The following SLC39A12 variants were observed in gnomAD, a reference collection of about 807,000 sequenced individuals.
The protein encoded by SLC39A12 is zinc transporter ZIP12.
Under a neutral mutation model 71.1 loss-of-function variants are expected in SLC39A12, and 63 were observed. The ratio of observed to expected loss-of-function variants is 0.89; its 90% CI spans 0.72 to 1.09. The LOEUF (loss-of-function observed/expected upper bound fraction) is 1.09. Ranked by LOEUF, SLC39A12 falls within the 50% of genes least tolerant of loss-of-function variation. The pLI, the probability that SLC39A12 is intolerant of heterozygous loss-of-function variation, is 0.00. For synonymous variants in SLC39A12, 351 were observed against 301.3 expected (o/e 1.16, Z -1.71); for missense variants, 892 against 812.6 (o/e 1.10, Z -1.19).
intron 3 of SLC39A12, 86 bp downstream of exon 3, chr10:17,961,948 A>G: frequency 7.4e-7 from 1 of 1,358,414 alleles, no homozygotes; most frequent in Non-Finnish European, 1.0e-6. Flanking sequence ...TTTCTAAGAC[A>G]TTCAAGGACT....
intron 7 of SLC39A12, among the ~76,000 whole-genome samples, chr10:17,988,421 C>G (rs1357883258): frequency 6.6e-6 from 1 of 152,198 alleles, no homozygotes; most frequent in Admixed American, 6.5e-5. Flanking sequence ...GTGCCTGCTT[C>G]CCCTTCACTG....
intron 12 of SLC39A12, among the ~76,000 whole-genome samples, chr10:18,011,539 G>C (rs1160934821): frequency 6.6e-6 from 1 of 152,162 alleles, no homozygotes; most frequent in African/African-American, 2.4e-5. Context: ...GTTAAGTTTT[G>C]GGAGAGTCAA....
At chr10:17,988,160 T>C (rs2130820545) in intron 7 of SLC39A12, among the ~76,000 whole-genome samples, 1 of 152,158 alleles carries the variant, frequency 6.6e-6, no homozygotes, top group South Asian at 2.1e-4. Flanking sequence ...ATATAAAAAT[T>C]AGCTGGGCAT....
intron 6 of SLC39A12, among the ~76,000 whole-genome samples, chr10:17,984,895 G>C (rs1589231630): frequency 1.3e-5 from 2 of 152,186 alleles, no homozygotes; most frequent in African/African-American, 4.8e-5. Flanking sequence ...ATGTGGTAGT[G>C]GGGGTACGGG....
In SLC39A12 at chr10:17,982,332, A is replaced by G. The variant is rs115567831; in HGVS notation, c.1096+849A>G. Among the ~76,000 whole-genome samples the G allele has an allele frequency of 5.8e-3, 882 of 152,346 alleles. 8 individuals are homozygous for G. The highest frequency in any genetic ancestry group is 0.02 in the African/African-American group (838 of 41,580). The stretch of plus-strand genomic sequence containing the variant: ...ATCTTCAGTAAATTTAAAGCTCTGT[A>G]TATTTAAAAGACAAAACAAATGGTT... On this transcript the variant is annotated intron_variant, in intron 6 of 12. Coordinates refer to ENST00000377369, the MANE Select transcript of SLC39A12 (RefSeq NM_001145195.2).
At chr10:18,018,469 G>A (rs1375415329) in intron 12 of SLC39A12, among the ~76,000 whole-genome samples, 2 of 152,088 alleles carry the variant, frequency 1.3e-5, no homozygotes, top group Non-Finnish European at 2.9e-5. Context: ...TGATTTTAGT[G>A]GGAAAGCTTC....
Position 18,000,972 on chromosome 10 carries a change from G to A in SLC39A12, c.1759+147G>A. 6 of 833,326 alleles carry A rather than the reference G, an allele frequency of 7.2e-6. No homozygotes were observed. In the South Asian group the frequency reaches 1.2e-4, roughly 17 times the overall value. 51.6% of individuals were successfully genotyped at this position (833,326 alleles called of 1,614,324 possible). Reference sequence around the variant, plus strand: ...TAATTTATTTAAACCATAAGAAGAGGAGGACTAGAAAAATAACTCCTGTAC... The same window carrying A: ...TAATTTATTTAAACCATAAGAAGAGAAGGACTAGAAAAATAACTCCTGTAC... On this transcript the variant is annotated intron_variant, in intron 11 of 12. Coordinates refer to ENST00000377369, the MANE Select transcript of SLC39A12 (RefSeq NM_001145195.2).
intron 12 of SLC39A12, among the ~76,000 whole-genome samples, chr10:18,028,280 T>C (rs1481593500): frequency 6.6e-6 from 1 of 152,254 alleles, no homozygotes; most frequent in Non-Finnish European, 1.5e-5. Flanking sequence ...TGCAAATTTT[T>C]ATCAGTGAAA....
intron 12 of SLC39A12, among the ~76,000 whole-genome samples, chr10:18,015,627 CCTT>C (rs1423802888): frequency 9.9e-6 from 1 of 101,250 alleles, no homozygotes; most frequent in East Asian, 2.6e-4. Flanking sequence ...TTTAGTTTTT[CCTT>C]CTTTTTTATT....
chr10:18,023,828 C>G (rs907352468), intron 12 of SLC39A12, among the ~76,000 whole-genome samples: 1 of 152,174 alleles, frequency 6.6e-6, no homozygotes, highest in African/African-American at 2.4e-5. Flanking sequence ...ACCTAAGTGC[C>G]CAGGTTGGGA....
intron 12 of SLC39A12, among the ~76,000 whole-genome samples, chr10:18,037,253 T>G (rs552958616): frequency 1.2e-3 from 176 of 152,354 alleles, no homozygotes; most frequent in African/African-American, 3.9e-3. Flanking sequence ...CATTATTGAT[T>G]GCATCATGTA....
Position 18,036,767 on chromosome 10 carries a change from TATATATATATATATATA to T in SLC39A12, c.1948-5937_1948-5921del, listed in dbSNP as rs1837043762. On this transcript the variant is annotated intron_variant, in intron 12 of 12. Transcript: ENST00000377369. ...AAAATTATATATATATATATATATA[TATATATATATATATATA>T]TATATATATATTTTTTTTTTTAATG... Among the ~76,000 whole-genome samples the T allele has an allele frequency of 1.0e-3, 69 of 68,700 alleles. 4 individuals carry two copies. The highest frequency in any genetic ancestry group is 2.9e-3 in the African/African-American group (46 of 15,728). The allele number at this position is 68,700 out of a possible 152,430, so 45.1% of individuals were successfully genotyped here.
In SLC39A12 at chr10:17,983,073, G is replaced by A. The variant is rs1421434997; in HGVS notation, c.1096+1590G>A. On this transcript the variant is annotated intron_variant, in intron 6 of 12. Coordinates refer to ENST00000377369, the MANE Select transcript of SLC39A12 (RefSeq NM_001145195.2). ...AAAATAGCCGGGCATGCTGGTGGGC[G>A]GCTGTAGTCCCAGCTACTTGGGAGA... 5.3e-5 allele frequency among the ~76,000 whole-genome samples: 8 copies of A among 150,118 alleles called. No individual in the cohort carries two copies. In the South Asian group the frequency reaches 6.4e-4, roughly 12 times the overall value.
intron 12 of SLC39A12, among the ~76,000 whole-genome samples, chr10:18,028,326 C>T (rs1836736324): frequency 6.6e-6 from 1 of 152,156 alleles, no homozygotes. Flanking sequence ...GCATTGGAGG[C>T]TGATCTTTCT....
At chr10:17,998,647 G>A (rs989129365) in intron 10 of SLC39A12, among the ~76,000 whole-genome samples, 2 of 152,184 alleles carry the variant, frequency 1.3e-5, no homozygotes, top group African/African-American at 4.8e-5. Flanking sequence ...CAGGAAGGAT[G>A]TAAGTTAGTT....
chr10:17,987,642 T>G lies in SLC39A12; in HGVS notation c.1260T>G (p.Leu420=), dbSNP rs1358109384. The change falls in exon 7 of 13, where the codon CTT becomes CTG. Residue 420 remains leucine, a synonymous_variant. Transcript: ENST00000377369. ...TGTCTGGGGACGCTCTGCTCCACCT[T>G]ATCCCTCAGGTAATCTGGTCTTTTC... The part of the protein sequence containing the change: ...GTLSGDALLH[L]IPQVLGLHKQ... 1.2e-6 allele frequency: 2 copies of G among 1,614,172 alleles called. No individual in the cohort carries two copies. Among genetic ancestry groups the G allele is most frequent in the Non-Finnish European group, 1.7e-6 (2 of 1,180,022 alleles).
chr10:18,003,453 A>G, intron 12 of SLC39A12, 95 bp downstream of exon 12: 1 of 1,124,106 alleles, frequency 8.9e-7, no homozygotes, highest in Non-Finnish European at 1.3e-6. Context: ...AATGAGTAGA[A>G]CAGAAGAATT....
At chr10:18,022,308 G>T (rs1402587343) in intron 12 of SLC39A12, among the ~76,000 whole-genome samples, 1 of 151,556 alleles carries the variant, frequency 6.6e-6, no homozygotes, top group Non-Finnish European at 1.5e-5. Context: ...TTTCTCAGAG[G>T]TTTTGTTTAT....
intron 12 of SLC39A12, among the ~76,000 whole-genome samples, chr10:18,030,268 C>CT (rs1181691438): frequency 0.025 from 3,624 of 145,330 alleles, 56 homozygotes; most frequent in South Asian, 0.049. Flanking sequence ...TCTTTTCTTT[C>CT]TTTTTTTTTT....
Sources: allele counts gnomAD v4.1 joint callset (sites outside exome capture counted in the v4.1 genomes callset), GRCh38; gene constraint gnomAD v4.1.1; transcripts MANE v1.5; gene names NCBI Gene and HGNC (gene_info 2026-07-23, HGNC 2026-07-21).